Variants in COG5 observed in about 807,000 individuals in gnomAD.
COG5 encodes the protein conserved oligomeric Golgi complex subunit 5.
Under a neutral mutation model 110.4 loss-of-function variants are expected in COG5, and 86 were observed. The ratio of observed to expected loss-of-function variants is 0.78; its 90% CI spans 0.65 to 0.93. The LOEUF is 0.93. COG5 is among the 40% of genes least tolerant of loss of function. The pLI is 0.00. For synonymous variants in COG5, 360 were observed against 334.6 expected (o/e 1.08, Z -0.83); for missense variants, 1,077 against 987.0 (o/e 1.09, Z -1.22).
intron 6 of COG5, among the ~76,000 whole-genome samples, chr7:107,440,388 TA>T (rs537133593): frequency 1.2e-3 from 173 of 144,818 alleles, no homozygotes; most frequent in African/African-American, 2.1e-3. Flanking sequence ...TTTTCTTGGT[TA>T]AAAAAAAAAA....
chr7:107,476,979 A>C (rs1017613933), intron 6 of COG5, among the ~76,000 whole-genome samples: 10 of 151,706 alleles, frequency 6.6e-5, no homozygotes, highest in African/African-American at 2.2e-4. Flanking sequence ...TGTTAACATA[A>C]TGTCAAATCT....
chr7:107,554,699 G>A (rs1483321194), intron 2 of COG5, among the ~76,000 whole-genome samples: 1 of 152,138 alleles, frequency 6.6e-6, no homozygotes, highest in Non-Finnish European at 1.5e-5. Flanking sequence ...TCAGCATCTG[G>A]TGAGAACCCA....
At chr7:107,493,419 G>A (rs1028997167) in intron 6 of COG5, among the ~76,000 whole-genome samples, 8 of 152,090 alleles carry the variant, frequency 5.3e-5, no homozygotes, top group Non-Finnish European at 1.2e-4. Context: ...TTACCACTAT[G>A]AGTAAATCCA....
intron 6 of COG5, among the ~76,000 whole-genome samples, chr7:107,496,920 C>CA (rs1191518169): frequency 6.6e-6 from 1 of 152,052 alleles, no homozygotes; most frequent in Non-Finnish European, 1.5e-5. Context: ...AGATCAAAAA[C>CA]AAAACAAGGC....
At chr7:107,412,723 A>G (rs931010585) in intron 6 of COG5, 91 bp from the exon 7 acceptor site, 1 of 848,306 alleles carries the variant, frequency 1.2e-6, no homozygotes, top group Non-Finnish European at 1.8e-6. Context: ...AAAAAAAAAA[A>G]ACAAAAAACG....
At chr7:107,288,925 T>C (rs879516992) in intron 12 of COG5, among the ~76,000 whole-genome samples, 4 of 47,186 alleles carry the variant, frequency 8.5e-5, no homozygotes, top group African/African-American at 4.7e-4. Flanking sequence ...TATATATATA[T>C]ATATATATAT....
intron 8 of COG5, among the ~76,000 whole-genome samples, chr7:107,367,314 G>A (rs1418111104): frequency 2.6e-5 from 4 of 152,058 alleles, no homozygotes; most frequent in African/African-American, 9.7e-5. Flanking sequence ...CCAGCCAAGG[G>A]AGAGATGAAT....
chr7:107,438,922 G>A (rs566819996), intron 6 of COG5, among the ~76,000 whole-genome samples: 7 of 152,266 alleles, frequency 4.6e-5, no homozygotes, highest in African/African-American at 1.2e-4. Context: ...ATGGTCTGGA[G>A]GTTAGGTTGT....
chr7:107,299,893 T>C (rs901574512), intron 11 of COG5, among the ~76,000 whole-genome samples: 2 of 145,388 alleles, frequency 1.4e-5, no homozygotes, highest in African/African-American at 5.0e-5. Flanking sequence ...TATATATATA[T>C]GGAATTACAT....
chr7:107,536,266 C>T (rs575980082), intron 5 of COG5, among the ~76,000 whole-genome samples: 4 of 152,062 alleles, frequency 2.6e-5, no homozygotes, highest in Non-Finnish European at 5.9e-5. Flanking sequence ...GAAGTTCTGG[C>T]CAGGGCAATC....
At chr7:107,336,642 C>T (rs1365449711) in intron 10 of COG5, among the ~76,000 whole-genome samples, 2 of 152,044 alleles carry the variant, frequency 1.3e-5, no homozygotes, top group Non-Finnish European at 2.9e-5. Flanking sequence ...AACACATATA[C>T]CTGAAAATAT....
In COG5 at chr7:107,527,357, C is replaced by G; in HGVS notation, c.418G>C (p.Val140Leu). The G allele has an allele frequency of 6.2e-7, 1 of 1,613,194 alleles. No individual in the cohort carries two copies. Among genetic ancestry groups the G allele is most frequent in the Non-Finnish European group, 8.5e-7 (1 of 1,179,794 alleles). Residue 140 changes from valine to leucine, a missense_variant and splice_region_variant, in exon 6 of 22, where the codon GTT becomes CTT. Transcript: ENST00000297135. ...ARTAQLARLQ[V>L]ACDLLRRIIR... is the part of the protein sequence containing the mutation. ...ATCCTCCGAAGCAAATCACAGGCAA[C>G]CTGTGCAAACATCACAATGTTAAGT...
In COG5 at chr7:107,280,079, T is replaced by C. The variant is rs1805044004; in HGVS notation, c.1575+1221A>G. 3.3e-5 allele frequency among the ~76,000 whole-genome samples: 5 copies of C among 152,114 alleles called. No homozygotes were observed. In the South Asian group the frequency reaches 1.0e-3, roughly 31 times the overall value. ...TAATTACACTATACTCTACTAGATA[T>C]AACACTGAATTTTATTTATAGCAAT... On this transcript the variant is annotated intron_variant, in intron 14 of 21. Coordinates refer to ENST00000297135, the MANE Select transcript of COG5 (RefSeq NM_006348.5).
intron 7 of COG5, among the ~76,000 whole-genome samples, chr7:107,380,751 T>C (rs983878160): frequency 6.6e-6 from 1 of 152,158 alleles, no homozygotes; most frequent in African/African-American, 2.4e-5. Flanking sequence ...CTGGTACCAT[T>C]CCTTCCGAAA....
intron 6 of COG5, among the ~76,000 whole-genome samples, chr7:107,489,778 G>A (rs745531241): frequency 3.9e-5 from 6 of 152,010 alleles, no homozygotes; most frequent in Admixed American, 6.6e-5. Flanking sequence ...TTGCAACACA[G>A]CAAATAATTG....
At chr7:107,432,903 A>G (rs1794124165) in intron 6 of COG5, among the ~76,000 whole-genome samples, 1 of 152,184 alleles carries the variant, frequency 6.6e-6, no homozygotes, top group Non-Finnish European at 1.5e-5. Flanking sequence ...CTCTGTTCAC[A>G]GATGACATAA....
intron 21 of COG5, among the ~76,000 whole-genome samples, chr7:107,205,394 C>G (rs1798692896): frequency 6.6e-6 from 1 of 152,150 alleles, no homozygotes; most frequent in Non-Finnish European, 1.5e-5. Flanking sequence ...CTTGATGTGG[C>G]CTAAAAAGAC....
At chr7:107,367,345 T>C (rs148526214) in intron 8 of COG5, among the ~76,000 whole-genome samples, 10 of 152,224 alleles carry the variant, frequency 6.6e-5, no homozygotes, top group Admixed American at 2.0e-4. Context: ...AGAGGTCTGG[T>C]ACAACCTCTA....
At position 107,335,526 on chromosome 7, in the gene COG5, G is replaced by A. The variant is rs530593408; in HGVS notation, c.1027-11005C>T. On this transcript the variant is annotated intron_variant, in intron 10 of 21. Coordinates refer to ENST00000297135, the MANE Select transcript of COG5 (RefSeq NM_006348.5). ...ACTATCAGACAAAAATTACTTAAGC[G>A]CTAACAAAATACAGTAAGAAAGGGA... 2.6e-5 allele frequency among the ~76,000 whole-genome samples: 4 copies of A among 152,124 alleles called. No individual in the cohort carries two copies. The East Asian group carries it at 5.8e-4, about 22-fold the overall frequency.
Sources: gnomAD v4.1 joint callset for allele counts (sites outside exome capture counted in the v4.1 genomes callset) on GRCh38, gnomAD v4.1.1 for gene constraint, MANE v1.5 for transcripts, NCBI Gene and HGNC (gene_info 2026-07-23, HGNC 2026-07-21) for gene names.